Variants in DYSF observed in about 807,000 individuals in gnomAD.
The protein encoded by DYSF is dysferlin.
DYSF carries 212 observed loss-of-function variants against 274.9 expected under a neutral mutation model. The ratio of observed to expected loss-of-function variants is 0.77; its 90% CI spans 0.69 to 0.86. The LOEUF (loss-of-function observed/expected upper bound fraction) is 0.86. Ranked by LOEUF, DYSF falls within the 40% of genes least tolerant of loss-of-function variation. The pLI is 0.00. For synonymous variants in DYSF, 1,091 were observed against 1,078.7 expected (o/e 1.01, Z -0.22); for missense variants, 2,666 against 2,783.2 (o/e 0.96, Z 0.95).
chr2:71,479,341 T>C (rs1265941181), intron 1 of DYSF, among the ~76,000 whole-genome samples: 1 of 151,792 alleles, frequency 6.6e-6, no homozygotes, highest in East Asian at 1.9e-4. Context: ...ATCAGTGTCT[T>C]CATGGAAGAC....
chr2:71,633,255 C>T (rs147159915), intron 41 of DYSF, among the ~76,000 whole-genome samples: 6 of 152,190 alleles, frequency 3.9e-5, no homozygotes, highest in African/African-American at 1.2e-4. Context: ...GTTTTGAAGT[C>T]GGAGTATTTG....
At chr2:71,470,946 C>T (rs1307775188) in intron 1 of DYSF, among the ~76,000 whole-genome samples, 1 of 151,866 alleles carries the variant, frequency 6.6e-6, no homozygotes, top group Admixed American at 6.6e-5. Flanking sequence ...CACCTGCAAC[C>T]ATGCCTGGCT....
chr2:71,583,613 T>A (rs2092967668), intron 30 of DYSF, among the ~76,000 whole-genome samples: 1 of 152,174 alleles, frequency 6.6e-6, no homozygotes, highest in South Asian at 2.1e-4. Flanking sequence ...ACTTTATAGA[T>A]CCTGAGCCAG....
chr2:71,630,623 A>G (rs1404625014), intron 41 of DYSF, among the ~76,000 whole-genome samples: 1 of 152,234 alleles, frequency 6.6e-6, no homozygotes, highest in Non-Finnish European at 1.5e-5. Flanking sequence ...TCCAGCCCAT[A>G]GTCTCCTATA....
rs1169978001 is a variant in DYSF at position 71,493,871 on chromosome 2, A to AG, written c.240-9343_240-9342insG. On this transcript the variant is annotated intron_variant, in intron 3 of 55. Transcript: ENST00000410020. ...TGTCTCAAAAAAAAAAAAAAAAAAA[A>AG]AAAGAAAGAAAGAAACACAAAGGTT... 1.0e-4 allele frequency among the ~76,000 whole-genome samples: 14 copies of AG among 133,574 alleles called. No homozygotes were observed. In the East Asian group the frequency reaches 2.3e-3, roughly 22 times the overall value. The allele number at this position is 133,574 out of a possible 152,430, so 87.6% of individuals were successfully genotyped here.
upstream of DYSF, among the ~76,000 whole-genome samples, chr2:71,466,282 C>A (rs1445824966): frequency 6.6e-6 from 1 of 152,210 alleles, no homozygotes; most frequent in Admixed American, 6.5e-5. Context: ...TTGGTTTCCC[C>A]GAAGACACAC....
At chr2:71,528,422 A>C in intron 14 of DYSF, 21 bp downstream of exon 14, 4 of 1,605,848 alleles carry the variant, frequency 2.5e-6, no homozygotes, top group Non-Finnish European at 3.4e-6. Context: ...AGGGAGCAGG[A>C]GGGTTCTCTC....
chr2:71,674,068 G>T, intron 51 of DYSF, 129 bp from the exon 52 acceptor site: 1 of 790,352 alleles, frequency 1.3e-6, no homozygotes, highest in Non-Finnish European at 2.2e-6. Context: ...ACAGGACCTG[G>T]CTCTGGCAGG....
chr2:71,572,448 C>A (rs2092549000), intron 29 of DYSF, among the ~76,000 whole-genome samples: 1 of 152,244 alleles, frequency 6.6e-6, no homozygotes, highest in South Asian at 2.1e-4. Flanking sequence ...ACACACCAAC[C>A]TGGAAGATGG....
chr2:71,532,821 G>A (rs2088885539), intron 14 of DYSF, among the ~76,000 whole-genome samples: 1 of 142,452 alleles, frequency 7.0e-6, no homozygotes, highest in Non-Finnish European at 1.6e-5. Context: ...GAATTAGGTA[G>A]TACATTTATT....
chr2:71,570,528 A>C (rs893300462), intron 28 of DYSF, 71 bp from the exon 29 acceptor site: 7 of 1,593,086 alleles, frequency 4.4e-6, no homozygotes, highest in Non-Finnish European at 5.1e-6. Flanking sequence ...CCATGCCCCA[A>C]ATTCAGAGAT....
intron 30 of DYSF, among the ~76,000 whole-genome samples, chr2:71,581,073 G>A (rs1558530792): frequency 1.3e-5 from 2 of 152,232 alleles, no homozygotes; most frequent in East Asian, 3.8e-4. Context: ...GCAGGCGTAA[G>A]TAGGACCATT....
chr2:71,617,630 G>A (rs67462534), intron 40 of DYSF, among the ~76,000 whole-genome samples: 37,072 of 148,056 alleles, frequency 0.25, 5,448 homozygotes, highest in Middle Eastern at 0.36. Context: ...TAGAGGTGAT[G>A]TGTGTGGCAG....
chr2:71,556,542 G>A (rs528611692), intron 22 of DYSF, among the ~76,000 whole-genome samples: 248 of 152,336 alleles, frequency 1.6e-3, no homozygotes, highest in African/African-American at 5.7e-3. Flanking sequence ...CATCTCCTCT[G>A]CTGCCATGTG....
chr2:71,501,698 C>A (rs2084986646), intron 3 of DYSF, among the ~76,000 whole-genome samples: 1 of 152,230 alleles, frequency 6.6e-6, no homozygotes, highest in African/African-American at 2.4e-5. Context: ...TGCGGAATGT[C>A]TCCAAGGTCC....
At chr2:71,572,726 T>C (rs757662553) in intron 29 of DYSF, among the ~76,000 whole-genome samples, 2 of 152,170 alleles carry the variant, frequency 1.3e-5, no homozygotes, top group African/African-American at 2.4e-5. Flanking sequence ...CTGGGGCACA[T>C]ACCTATCTCT....
At chr2:71,466,696 G>A (rs576238390), upstream of DYSF, 13 of 1,382,662 alleles carry the variant, frequency 9.4e-6, no homozygotes, top group African/African-American at 2.0e-4. Context: ...CCAGGCATTG[G>A]TCACTTCTCC....
At chr2:71,519,575 T>TA (rs2087009906) in intron 10 of DYSF, among the ~76,000 whole-genome samples, 1 of 152,214 alleles carries the variant, frequency 6.6e-6, no homozygotes, top group East Asian at 1.9e-4. Flanking sequence ...CAGGAAGGAA[T>TA]AAAAAATGAA....
chr2:71,556,061 G>A lies in DYSF; in HGVS notation c.2206G>A (p.Ala736Thr), dbSNP rs1042263359. 5.1e-6 allele frequency: 8 copies of A among 1,569,440 alleles called. No homozygotes were observed. Among genetic ancestry groups the A allele is most frequent in the East Asian group, 2.3e-5 (1 of 43,234 alleles). ...LVAQLTDELIAGCSQPLGDIH... is the reference protein window; with the variant it reads ...LVAQLTDELITGCSQPLGDIH... ...GGCTCAGCTGACGGATGAGCTCATC[G>A]CAGGCTGCAGGTAGGGGGGACCTGG... The change falls in exon 22 of 56, where the codon GCA (alanine) becomes ACA (threonine). Residue 736 changes from alanine to threonine, a missense_variant. Around this residue, in one of 3 missense-constraint regions of DYSF, gnomAD observed 412 missense variants for 504.0 expected, o/e 0.82. Transcript: ENST00000410020.
Sources: gnomAD v4.1 joint callset for allele counts (sites outside exome capture counted in the v4.1 genomes callset) on GRCh38, gnomAD v4.1.1 for gene constraint, gnomAD v4.1.1 regional missense constraint, MANE v1.5 for transcripts, NCBI Gene and HGNC (gene_info 2026-07-23, HGNC 2026-07-21) for gene names.